The following SPAG1 variants were observed in gnomAD, a reference collection of about 807,000 sequenced individuals.
The protein encoded by SPAG1 is sperm associated antigen 1, also known as sperm-associated antigen 1.
In SPAG1, 69 loss-of-function variants were observed where a neutral mutation model predicts 100.5. The observed-to-expected ratio is 0.69, with a 90% CI of 0.57 to 0.84. SPAG1 has a LOEUF of 0.84. SPAG1 is among the 40% of genes least tolerant of loss of function. The pLI is 0.00. For synonymous variants in SPAG1, 336 were observed against 411.6 expected, an observed-to-expected ratio of 0.82 and a Z score of 2.22; for missense variants, 955 against 1,133.1, an observed-to-expected ratio of 0.84 and a Z score of 2.26.
At chr8:100,217,856 C>T (rs941911522) in intron 12 of SPAG1, among the ~76,000 whole-genome samples, 2 of 152,288 alleles carry the variant, frequency 1.3e-5, no homozygotes, top group South Asian at 2.1e-4. Context: ...GATCTCTGCT[C>T]ACTGCAGCCT....
At position 100,194,152 on chromosome 8, in the gene SPAG1, A is replaced by T; in HGVS notation, c.980A>T (p.Glu327Val). Reference protein sequence around the residue: ...SEVERDLKNSEAASETQTKGK... With the variant: ...SEVERDLKNSVAASETQTKGK... ...GTTGAAAGAGATCTGAAAAATTCTG[A>T]AGCTGCATCTGAGACTCAAACCAAA... is the stretch of plus-strand genomic sequence containing the variant. The change falls in exon 10 of 19, where the codon GAA (glutamate) becomes GTA (valine). Residue 327 changes from glutamate (E) to valine (V), a missense_variant. Physicochemically the swap from Glu to Val is moderately radical, Grantham distance 121. Transcript: ENST00000388798. 1.9e-6 allele frequency: 3 copies of T among 1,594,230 alleles called. No homozygotes were observed. Among genetic ancestry groups the T allele is most frequent in the Non-Finnish European group, 2.6e-6 (3 of 1,173,582 alleles).
At position 100,165,963 on chromosome 8, in the gene SPAG1, G is replaced by A. The variant is rs1175188961; in HGVS notation, c.290G>A (p.Gly97Asp). 3.1e-6 allele frequency: 5 copies of A among 1,613,240 alleles called. No homozygotes were observed. Among genetic ancestry groups the A allele is most frequent in the Non-Finnish European group, 2.5e-6 (3 of 1,179,520 alleles). Residue 97 changes from glycine (G) to aspartate (D), a missense_variant, in exon 3 of 19, where the codon GGT becomes GAT. Coordinates refer to ENST00000388798, the MANE Select transcript of SPAG1 (RefSeq NM_003114.5). ...FTAEEWEKID[G>D]DIKSWVSEIK... is the part of the protein sequence containing the mutation. Reference sequence around the variant, plus strand: ...GCTGAAGAATGGGAAAAAATTGATGGTGATATAAAGGTATATAGTAATACC... The same window carrying A: ...GCTGAAGAATGGGAAAAAATTGATGATGATATAAAGGTATATAGTAATACC...
At chr8:100,167,756 C>T (rs545041321) in intron 3 of SPAG1, among the ~76,000 whole-genome samples, 1 of 152,308 alleles carries the variant, frequency 6.6e-6, no homozygotes, top group South Asian at 2.1e-4. Flanking sequence ...TGAGTTTTGA[C>T]AAACGTATAT....
chr8:100,240,254 T>TA (rs898863697), intron 17 of SPAG1, 149 bp from the exon 18 acceptor site: 104 of 671,218 alleles, frequency 1.5e-4, no homozygotes, highest in Non-Finnish European at 2.1e-4. Flanking sequence ...CTTCTCTTCC[T>TA]AAAAAAAATT....
chr8:100,184,894 T>A (rs1563780663), intron 7 of SPAG1, among the ~76,000 whole-genome samples, 161 bp downstream of exon 7: 1 of 152,232 alleles, frequency 6.6e-6, no homozygotes, highest in Non-Finnish European at 1.5e-5. Context: ...ATTTTTTCAA[T>A]AATTTTTCTC....
intron 10 of SPAG1, among the ~76,000 whole-genome samples, chr8:100,210,145 T>A (rs1817661506): frequency 6.6e-6 from 1 of 152,102 alleles, no homozygotes; most frequent in Admixed American, 6.5e-5. Flanking sequence ...TTCATAAATA[T>A]ACTTTATTAT....
intron 16 of SPAG1, among the ~76,000 whole-genome samples, chr8:100,234,939 G>A (rs1586557841): frequency 2.0e-5 from 3 of 152,174 alleles, no homozygotes; most frequent in Admixed American, 6.5e-5. Flanking sequence ...CCCAGGATGA[G>A]GAGGAAGGTA....
Position 100,177,359 on chromosome 8 carries a change from C to T in SPAG1, c.301-457C>T, listed in dbSNP as rs201741616. On this transcript the variant is annotated intron_variant, in intron 3 of 18. Transcript: ENST00000388798. ...ACAGGAGGTGGCTGTGAAATTATTA[C>T]GTATTATAGTGTCTCCTACAGTCAG... 6.6e-5 allele frequency among the ~76,000 whole-genome samples: 10 copies of T among 152,098 alleles called. No homozygotes were observed. In the East Asian group the frequency reaches 7.7e-4, roughly 12 times the overall value.
intron 10 of SPAG1, among the ~76,000 whole-genome samples, chr8:100,199,524 C>T (rs1360847573): frequency 1.3e-5 from 2 of 152,190 alleles, no homozygotes; most frequent in Admixed American, 6.5e-5. Context: ...TGGCTCACTA[C>T]AACCTCCGCC....
chr8:100,203,225 A>G (rs955980592), intron 10 of SPAG1, among the ~76,000 whole-genome samples: 4 of 151,990 alleles, frequency 2.6e-5, no homozygotes, highest in African/African-American at 4.8e-5. Context: ...TTAGACTCCA[A>G]TTTCTTCAGT....
chr8:100,221,217 A>C (rs1818262780), intron 13 of SPAG1, among the ~76,000 whole-genome samples: 2 of 152,200 alleles, frequency 1.3e-5, no homozygotes, highest in African/African-American at 4.8e-5. Context: ...CAGTGGAAAC[A>C]TATCTCTTGT....
chr8:100,215,397 C>A (rs1482829618), intron 12 of SPAG1, among the ~76,000 whole-genome samples: 2 of 152,192 alleles, frequency 1.3e-5, no homozygotes, highest in African/African-American at 2.4e-5. Flanking sequence ...CCTAGTTTGA[C>A]TAACACAGCT....
rs1365304405 is a variant in SPAG1, at chr8:100,170,840, TATTTA to T, written c.300+4868_300+4872del. ...TTATTTATTTATTTATTTATTTATT[TATTTA>T]TTTATTTTTTACTTGCTTTATTGAA... On this transcript the variant is annotated intron_variant, in intron 3 of 18. Coordinates refer to ENST00000388798, the MANE Select transcript of SPAG1 (RefSeq NM_003114.5). Among the ~76,000 whole-genome samples, 3 of 149,008 alleles carry T rather than the reference TATTTA, an allele frequency of 2.0e-5. 1 individual carries two copies. The highest frequency in any genetic ancestry group is 2.0e-4 in the Admixed American group (3 of 14,906).
At chr8:100,175,062 T>C (rs1242348957) in intron 3 of SPAG1, among the ~76,000 whole-genome samples, 1 of 151,282 alleles carries the variant, frequency 6.6e-6, no homozygotes, top group African/African-American at 2.4e-5. Context: ...TAGCACACAG[T>C]ACAGCCTATA....
chr8:100,183,331 C>A, intron 4 of SPAG1, 44 bp from the exon 5 acceptor site: 1 of 887,260 alleles, frequency 1.1e-6, no homozygotes, highest in Non-Finnish European at 1.8e-6. Context: ...ACCTGATAAT[C>A]TTATATTAAA....
chr8:100,230,900 T>A (rs1366574350), intron 14 of SPAG1, among the ~76,000 whole-genome samples: 11 of 152,232 alleles, frequency 7.2e-5, no homozygotes, highest in African/African-American at 2.4e-4. Context: ...AGATTACAGG[T>A]GTGAGCCACT....
rs1819207013 is a variant in SPAG1 at position 100,240,414 on chromosome 8, C to G, written c.2292C>G (p.Gly764=). The G allele has an allele frequency of 6.3e-7, 1 of 1,594,568 alleles. No individual in the cohort carries two copies. The highest frequency in any genetic ancestry group is 8.5e-7 in the Non-Finnish European group (1 of 1,174,106). Residue 764 remains glycine (G), a synonymous_variant, in exon 18 of 19, where the codon GGC becomes GGG. Transcript: ENST00000388798. ...TTTTCTTCATGAAGGTGAATGAAGG[C>G]AAGGAGGAGCCTGGAAGACCTGCAG... is the stretch of plus-strand genomic sequence containing the variant. ...RKIEIQEVNE[G]KEEPGRPAGE...
In SPAG1 at chr8:100,183,423, G is replaced by A. The variant is rs376138862; in HGVS notation, c.475G>A (p.Ala159Thr). ...PTKKKTPRDYAEWDKFDVEKE... is the reference protein window; with the variant it reads ...PTKKKTPRDYTEWDKFDVEKE... ...TAAAAAGAAAACTCCAAGGGATTAC[G>A]CGGAATGGGATAAGTATGTTTTACA... Residue 159 changes from alanine (A) to threonine (T), a missense_variant, in exon 5 of 19, where the codon GCG becomes ACG. Physicochemically the swap from Ala to Thr is moderately conservative, Grantham distance 58. Coordinates refer to ENST00000388798, the MANE Select transcript of SPAG1 (RefSeq NM_003114.5). 1.1e-5 allele frequency: 17 copies of A among 1,501,540 alleles called. No individual in the cohort carries two copies. Among genetic ancestry groups the A allele is most frequent in the Middle Eastern group, 2.0e-4 (1 of 5,090 alleles). 93.0% of individuals were successfully genotyped at this position (1,501,540 alleles called of 1,614,324 possible).
Position 100,239,414 on chromosome 8 carries a change from TTTGA to T in SPAG1, c.2280+13_2280+16del, listed in dbSNP as rs1159766340. 3.3e-6 allele frequency: 5 copies of T among 1,534,986 alleles called. No homozygotes were observed. In the African/African-American group the frequency reaches 4.1e-5, roughly 13 times the overall value. On this transcript the variant is annotated intron_variant, in intron 17 of 18. Coordinates refer to ENST00000388798, the MANE Select transcript of SPAG1 (RefSeq NM_003114.5). This position sits in a 1 kb window ranked among gnomAD's most constrained non-coding sequence, Gnocchi z 5.0. The stretch of plus-strand genomic sequence containing the variant: ...AATTGAGATTCAAGAGGTATTTGTA[TTTGA>T]TTATCTTTGAAAGTACTCCTTTGGG...
Sources: allele counts gnomAD v4.1 joint callset (sites outside exome capture counted in the v4.1 genomes callset), GRCh38; gene constraint gnomAD v4.1.1; non-coding constraint Gnocchi (gnomAD v3.1); transcripts MANE v1.5; gene names NCBI Gene and HGNC (gene_info 2026-07-23, HGNC 2026-07-21).